Variants in OBI1 observed in about 807,000 individuals in gnomAD.
OBI1 encodes the protein ORC ubiquitin ligase 1.
Under a neutral mutation model 62.4 loss-of-function variants are expected in OBI1, and 59 were observed. The observed-to-expected ratio is 0.95, with a 90% CI of 0.77 to 1.17. The LOEUF (loss-of-function observed/expected upper bound fraction) is 1.17, where lower values mean the gene tolerates loss of function less well. OBI1 is among the 50% of genes most tolerant of loss of function. OBI1 has a pLI of 0.00. For synonymous variants in OBI1, 302 were observed against 292.8 expected (o/e 1.03, Z -0.32); for missense variants, 875 against 830.9 (o/e 1.05, Z -0.65).
rs1219639363 is a variant in OBI1, at chr13:78,615,306, A to AAACC, written c.*270_*273dup. 8 of 293,324 alleles carry AAACC rather than the reference A, an allele frequency of 2.7e-5. No homozygotes were observed. The highest frequency in any genetic ancestry group is 2.4e-4 in the South Asian group (2 of 8,188). The allele number at this position is 293,324 out of a possible 1,614,324, so 18.2% of individuals were successfully genotyped here. Reference sequence around the variant, plus strand: ...CAGTAAAAAAACAAAACCAAAAACAAAACCAACCAACCAACCAACCCCAAA... The same window carrying AAACC: ...CAGTAAAAAAACAAAACCAAAAACAAAACCAACCAACCAACCAACCAACCCCAAA... On this transcript the variant is annotated 3_prime_UTR_variant, in exon 6 of 6. Transcript: ENST00000282003.
chr13:78,626,384 A>G (rs1875667301), intron 5 of OBI1, among the ~76,000 whole-genome samples: 1 of 152,242 alleles, frequency 6.6e-6, no homozygotes, highest in African/African-American at 2.4e-5. Context: ...TGCATTTAAA[A>G]AATATGTCTT....
At chr13:78,628,588 A>C (rs1000655133) in intron 5 of OBI1, among the ~76,000 whole-genome samples, 25 of 152,348 alleles carry the variant, frequency 1.6e-4, no homozygotes, top group African/African-American at 5.5e-4. Flanking sequence ...TAAGAATTAG[A>C]CGAAGAAGAG....
chr13:78,625,112 C>T (rs1253948938), intron 5 of OBI1, among the ~76,000 whole-genome samples: 1 of 152,150 alleles, frequency 6.6e-6, no homozygotes, highest in Non-Finnish European at 1.5e-5. Flanking sequence ...CCAAGATCAG[C>T]CTTGAAATTT....
chr13:78,617,051 T>C lies in OBI1; in HGVS notation c.710A>G (p.Lys237Arg). ...EQYERETNRL[K>R]KALERSDKYI... The stretch of plus-strand genomic sequence containing the variant: ...CTTATCACTTCGTTCCAGGGCTTTC[T>C]TGAGGCGATTGGTTTCACGCTCATA... The change falls in exon 6 of 6, where the codon AAG (lysine) becomes AGG (arginine). Residue 237 changes from lysine (K) to arginine (R), a missense_variant. By Grantham distance (26) the Lys-to-Arg change is conservative. Coordinates refer to ENST00000282003, the MANE Select transcript of OBI1 (RefSeq NM_024546.4). The C allele has an allele frequency of 6.2e-7, 1 of 1,612,516 alleles. No individual in the cohort carries two copies. Among genetic ancestry groups the C allele is most frequent in the East Asian group, 2.2e-5 (1 of 44,880 alleles).
intron 5 of OBI1, chr13:78,620,513 T>G: frequency 2.4e-6 from 1 of 421,028 alleles, no homozygotes; most frequent in Non-Finnish European, 4.7e-6. Context: ...TGCAGAGCAG[T>G]TTGGGAGCTA....
intron 5 of OBI1, chr13:78,620,506 A>T (rs960556877): frequency 1.2e-5 from 5 of 400,382 alleles, no homozygotes; most frequent in African/African-American, 1.1e-4. Flanking sequence ...AAAACACTGC[A>T]GAGCAGTTTG....
intron 1 of OBI1, among the ~76,000 whole-genome samples, chr13:78,657,188 A>C (rs532473296): frequency 0.01 from 1,532 of 152,278 alleles, 8 homozygotes; most frequent in Non-Finnish European, 0.013. Context: ...AGCATGTGCA[A>C]AGTTTAGCAT....
At chr13:78,624,942 A>T (rs1191527228) in intron 5 of OBI1, among the ~76,000 whole-genome samples, 1 of 152,214 alleles carries the variant, frequency 6.6e-6, no homozygotes, top group Non-Finnish European at 1.5e-5. Flanking sequence ...GTTGCCCAAA[A>T]CAGGATGCCT....
intron 1 of OBI1, among the ~76,000 whole-genome samples, chr13:78,652,399 C>CAA (rs397694037): frequency 1.9e-4 from 27 of 138,576 alleles, no homozygotes; most frequent in Non-Finnish European, 2.4e-4. Context: ...CTTCCCAAGA[C>CAA]AAAAAAAAAA....
intron 4 of OBI1, 151 bp downstream of exon 4, chr13:78,638,672 G>A (rs984225789): frequency 4.4e-6 from 3 of 677,210 alleles, no homozygotes; most frequent in South Asian, 2.1e-5. Flanking sequence ...ATAAGAAAAA[G>A]TCTTCTTATT....
At chr13:78,639,102 G>A (rs2137453426) in intron 3 of OBI1, 31 bp from the exon 4 acceptor site, 1 of 1,594,890 alleles carries the variant, frequency 6.3e-7, no homozygotes, top group South Asian at 1.1e-5. Context: ...CATGAGGCAG[G>A]CATAGACACT....
chr13:78,634,297 T>C (rs1426583478), intron 5 of OBI1, among the ~76,000 whole-genome samples: 2 of 151,518 alleles, frequency 1.3e-5, no homozygotes, highest in African/African-American at 2.4e-5. Flanking sequence ...AAATGATATT[T>C]CTTTTTGTTG....
Position 78,617,134 on chromosome 13 carries a change from G to A in OBI1, c.639-12C>T, listed in dbSNP as rs941327656. ...CAAACCTTCCAAACCTACAAAGAATGGAAAGATAGTTAATCTTATAACTCA... is the reference window on the plus strand; with the variant it reads ...CAAACCTTCCAAACCTACAAAGAATAGAAAGATAGTTAATCTTATAACTCA... On this transcript the variant is annotated splice_polypyrimidine_tract_variant and intron_variant, in intron 5 of 5. Transcript: ENST00000282003. The A allele has an allele frequency of 6.6e-7, 1 of 1,522,328 alleles. No homozygotes were observed. The highest frequency in any genetic ancestry group is 8.8e-7 in the Non-Finnish European group (1 of 1,137,252). 94.3% of individuals were successfully genotyped at this position (1,522,328 alleles called of 1,614,324 possible).
At chr13:78,657,793 CA>C (rs1363761561) in intron 1 of OBI1, among the ~76,000 whole-genome samples, 1 of 152,168 alleles carries the variant, frequency 6.6e-6, no homozygotes, top group African/African-American at 2.4e-5. Context: ...AACTTTATGT[CA>C]GGAGCCAAAT....
chr13:78,652,911 G>A (rs1354315640), intron 1 of OBI1, among the ~76,000 whole-genome samples: 1 of 152,158 alleles, frequency 6.6e-6, no homozygotes, highest in Non-Finnish European at 1.5e-5. Context: ...TATCCCCCAG[G>A]TGTAAAGGAT....
intron 3 of OBI1, among the ~76,000 whole-genome samples, chr13:78,639,959 A>G (rs1301124553): frequency 6.6e-6 from 1 of 151,530 alleles, no homozygotes; most frequent in Non-Finnish European, 1.5e-5. Flanking sequence ...AACCTGCACA[A>G]TGTGCACATG....
chr13:78,644,915 C>T lies in OBI1; in HGVS notation c.155G>A (p.Cys52Tyr). ...IDLWLKNNSQ[C>Y]PACRVPITPE... The stretch of plus-strand genomic sequence containing the variant: ...AGTGATGGGGACTCTGCAAGCTGGA[C>T]ACTGGCTATTATTCTTCAACCACAA... The change falls in exon 2 of 6, where the codon TGT becomes TAT. Residue 52 changes from cysteine (C) to tyrosine (Y), a missense_variant. Cys to Tyr is a radical substitution (Grantham distance 194). Coordinates refer to ENST00000282003, the MANE Select transcript of OBI1 (RefSeq NM_024546.4). 6.2e-7 allele frequency: 1 copy of T among 1,614,024 alleles called. No individual in the cohort carries two copies. Among genetic ancestry groups the T allele is most frequent in the Non-Finnish European group, 8.5e-7 (1 of 1,179,970 alleles).
At chr13:78,622,869 G>C (rs1403492905) in intron 5 of OBI1, among the ~76,000 whole-genome samples, 1 of 152,112 alleles carries the variant, frequency 6.6e-6, no homozygotes, top group Non-Finnish European at 1.5e-5. Context: ...AGGAAAAGCG[G>C]ACAGGGAGGA....
chr13:78,634,079 A>C (rs1208990483), intron 5 of OBI1, among the ~76,000 whole-genome samples: 1 of 142,016 alleles, frequency 7.0e-6, no homozygotes, highest in African/African-American at 2.6e-5. Context: ...AAAACAAAAA[A>C]CAAAAAACAA....
Sources: gnomAD v4.1 joint callset for allele counts (sites outside exome capture counted in the v4.1 genomes callset) on GRCh38, gnomAD v4.1.1 for gene constraint, MANE v1.5 for transcripts, NCBI Gene and HGNC (gene_info 2026-07-23, HGNC 2026-07-21) for gene names.